Variants in CD44 observed in about 807,000 individuals in gnomAD.
The protein encoded by CD44 is CD44 molecule (IN blood group), also known as CD44 antigen.
In CD44, 49 loss-of-function variants were observed where a neutral mutation model predicts 88.8. The observed-to-expected ratio is 0.55, with a 90% CI of 0.44 to 0.70. CD44 has a LOEUF of 0.70. Ranked by LOEUF, CD44 falls within the 30% of genes least tolerant of loss-of-function variation. CD44 has a pLI of 0.00. For synonymous variants in CD44, 325 were observed against 312.3 expected (o/e 1.04, Z -0.43); for missense variants, 883 against 913.8 (o/e 0.97, Z 0.43).
Position 35,180,379 on chromosome 11 carries a change from G to T in CD44, c.339G>T (p.Gln113His). Residue 113 changes from glutamine to histidine, a missense_variant, in exon 3 of 18, where the codon CAG becomes CAT. Gln to His is a conservative substitution (Grantham distance 24). Around this residue, in one of 2 missense-constraint regions of CD44, gnomAD observed 252 missense variants for 322.9 expected, o/e 0.78. Transcript: ENST00000428726. ...GVYILTSNTS[Q>H]YDTYCFNASA... Reference sequence around the variant, plus strand: ...ACATCCTCACATCCAACACCTCCCAGTATGACACATATTGCTTCAATGCTT... The same window carrying T: ...ACATCCTCACATCCAACACCTCCCATTATGACACATATTGCTTCAATGCTT... The T allele has an allele frequency of 1.2e-6, 2 of 1,614,096 alleles. No homozygotes were observed. Among genetic ancestry groups the T allele is most frequent in the South Asian group, 2.2e-5 (2 of 91,072 alleles).
At chr11:35,222,440 C>T in intron 17 of CD44, 1 of 1,282,972 alleles carries the variant, frequency 7.8e-7, no homozygotes, top group Non-Finnish European at 1.0e-6. Context: ...GTTAGGAGGT[C>T]TATGAAGCAG....
chr11:35,210,108 A>G lies in CD44; in HGVS notation c.1606+54A>G, dbSNP rs765573757. On this transcript the variant is annotated intron_variant, in intron 13 of 17. Coordinates refer to ENST00000428726, the MANE Select transcript of CD44 (RefSeq NM_000610.4). The stretch of plus-strand genomic sequence containing the variant: ...AGCTATTGATAAGAATCAATCAATT[A>G]TGGGTACTTTTGCAGTGTCTTTGGT... 1.5e-5 allele frequency: 15 copies of G among 1,027,194 alleles called. 1 individual carries two copies. The highest frequency in any genetic ancestry group is 8.0e-5 in the Admixed American group (3 of 37,340). 63.6% of individuals were successfully genotyped at this position (1,027,194 alleles called of 1,614,324 possible).
At position 35,180,317 on chromosome 11, in the gene CD44, C is replaced by G; in HGVS notation, c.277C>G (p.Pro93Ala). The stretch of plus-strand genomic sequence containing the variant: ...GCACGTGGTGATTCCCCGGATCCAC[C>G]CCAACTCCATCTGTGCAGCAAACAA... ...EGHVVIPRIH[P>A]NSICAANNTG... The change falls in exon 3 of 18, where the codon CCC (proline) becomes GCC (alanine). Residue 93 changes from proline (P) to alanine (A), a missense_variant. Physicochemically the swap from Pro to Ala is conservative, Grantham distance 27 (BLOSUM62 -1). Coordinates refer to ENST00000428726, the MANE Select transcript of CD44 (RefSeq NM_000610.4). The G allele has an allele frequency of 6.2e-7, 1 of 1,614,050 alleles. No homozygotes were observed. The highest frequency in any genetic ancestry group is 8.5e-7 in the Non-Finnish European group (1 of 1,179,972).
At chr11:35,147,471 C>A (rs1859388598) in intron 1 of CD44, among the ~76,000 whole-genome samples, 1 of 152,146 alleles carries the variant, frequency 6.6e-6, no homozygotes, top group African/African-American at 2.4e-5. Context: ...AGAGTTTCCT[C>A]TGGGTACCCC....
chr11:35,195,430 G>A (rs1278503416), intron 5 of CD44, among the ~76,000 whole-genome samples: 1 of 151,794 alleles, frequency 6.6e-6, no homozygotes, highest in Non-Finnish European at 1.5e-5. Flanking sequence ...GGGGAGGGGG[G>A]ATACAGAGAT....
intron 11 of CD44, among the ~76,000 whole-genome samples, chr11:35,206,669 T>TGGGGGGGGTTGGAGGG (rs57972216): frequency 6.8e-6 from 1 of 146,084 alleles, no homozygotes. Context: ...TGGGGGTTGG[T>TGGGGGGGGTTGGAGGG]GGGGGGGGCA....
Position 35,201,237 on chromosome 11 carries a change from C to G in CD44, c.1036+42C>G, listed in dbSNP as rs772949914. ...ATTTAATGAAAGATTTTTTTCCCCT[C>G]AAAGCCCATGATGCTGCAAAGGTCA... On this transcript the variant is annotated intron_variant, in intron 8 of 17. Transcript: ENST00000428726. 2.1e-5 allele frequency: 28 copies of G among 1,360,270 alleles called. No homozygotes were observed. The East Asian group carries it at 6.2e-4, about 30-fold the overall frequency. The allele number at this position is 1,360,270 out of a possible 1,614,324, so 84.3% of individuals were successfully genotyped here. A position where few individuals can be genotyped will look rare whatever the true frequency, so the allele number is the denominator to read the frequency against.
chr11:35,152,560 G>A lies in CD44; in HGVS notation c.67+13190G>A, dbSNP rs765280890. Among the ~76,000 whole-genome samples the A allele has an allele frequency of 4.9e-4, 75 of 152,200 alleles. 1 individual carries two copies. Among genetic ancestry groups the A allele is most frequent in the Non-Finnish European group, 9.4e-4 (64 of 68,040 alleles). On this transcript the variant is annotated intron_variant, in intron 1 of 17. Transcript: ENST00000428726. ...GACCTCTCCACCTTTGCCTGCTGGT[G>A]TGAAAGTGTTTTGTGCTAGTAGGCA...
chr11:35,175,174 T>C (rs1944325653), intron 1 of CD44, among the ~76,000 whole-genome samples: 1 of 152,224 alleles, frequency 6.6e-6, no homozygotes, highest in Admixed American at 6.5e-5. Flanking sequence ...GAGCTCAGAA[T>C]GTCTGAGAGA....
chr11:35,206,982 T>C (rs958946986), intron 11 of CD44, among the ~76,000 whole-genome samples: 2 of 152,220 alleles, frequency 1.3e-5, no homozygotes, highest in African/African-American at 4.8e-5. Context: ...AATGAACATG[T>C]CAAGGACAAT....
At chr11:35,219,441 T>TGTCC in intron 16 of CD44, 54 bp downstream of exon 16, 6 of 1,332,008 alleles carry the variant, frequency 4.5e-6, no homozygotes, top group Non-Finnish European at 2.2e-6. Flanking sequence ...TTTCTCAGAA[T>TGTCC]GTCCCAGCAA....
chr11:35,139,465 C>G (rs1857455372), intron 1 of CD44, 95 bp downstream of exon 1: 2 of 1,126,718 alleles, frequency 1.8e-6, no homozygotes, highest in Admixed American at 3.9e-5. Flanking sequence ...CCCTGGGGGA[C>G]TGGAGTCAAG....
At chr11:35,191,561 G>A (rs533123542) in intron 5 of CD44, among the ~76,000 whole-genome samples, 2 of 152,198 alleles carry the variant, frequency 1.3e-5, no homozygotes, top group Admixed American at 1.3e-4. Context: ...CATGTCGAAG[G>A]TGCTTATCAT....
At chr11:35,174,008 AATAC>A (rs142049506) in intron 1 of CD44, among the ~76,000 whole-genome samples, 6,869 of 152,252 alleles carry the variant, frequency 0.045, 185 homozygotes, top group Non-Finnish European at 0.06. Flanking sequence ...ACCCATAAAT[AATAC>A]ATACATACAT....
At chr11:35,151,156 A>G (rs1343595456) in intron 1 of CD44, among the ~76,000 whole-genome samples, 1 of 152,154 alleles carries the variant, frequency 6.6e-6, no homozygotes, top group African/African-American at 2.4e-5. Context: ...AAGGCAAAAC[A>G]TGAGCCAGGT....
At chr11:35,162,843 G>C (rs756482837) in intron 1 of CD44, among the ~76,000 whole-genome samples, 1 of 152,056 alleles carries the variant, frequency 6.6e-6, no homozygotes, top group African/African-American at 2.4e-5. Flanking sequence ...AGGAGACCCT[G>C]CTTCTTATGT....
chr11:35,146,152 G>A (rs1859113241), intron 1 of CD44, among the ~76,000 whole-genome samples: 1 of 152,188 alleles, frequency 6.6e-6, no homozygotes, highest in Non-Finnish European at 1.5e-5. Context: ...CCTGAGGTAA[G>A]TGTCCCTGCG....
At chr11:35,188,814 T>G (rs570234640) in intron 4 of CD44, among the ~76,000 whole-genome samples, 25 of 152,052 alleles carry the variant, frequency 1.6e-4, no homozygotes, top group Non-Finnish European at 3.1e-4. Flanking sequence ...GGCATGCACC[T>G]GTAGTCCCAG....
chr11:35,206,214 G>T lies in CD44; in HGVS notation c.1385G>T (p.Gly462Val), dbSNP rs1209750621. 16 of 1,610,592 alleles carry T rather than the reference G, an allele frequency of 9.9e-6. No homozygotes were observed. Among genetic ancestry groups the T allele is most frequent in the Non-Finnish European group, 1.3e-5 (15 of 1,178,454 alleles). ...DFFNPISHPM[G>V]RGHQAGRRMD... The stretch of plus-strand genomic sequence containing the variant: ...TTCAACCCAATCTCACACCCCATGG[G>T]ACGAGGTCATCAAGCAGGAAGAAGG... Residue 462 changes from glycine to valine, a missense_variant, in exon 11 of 18, where the codon GGA becomes GTA. Around this residue, in one of 2 missense-constraint regions of CD44, gnomAD observed 631 missense variants for 590.9 expected, o/e 1.07. Coordinates refer to ENST00000428726, the MANE Select transcript of CD44 (RefSeq NM_000610.4).
Sources: allele counts gnomAD v4.1 joint callset (sites outside exome capture counted in the v4.1 genomes callset), GRCh38; gene constraint gnomAD v4.1.1; regional missense constraint gnomAD v4.1.1; transcripts MANE v1.5; gene names NCBI Gene and HGNC (gene_info 2026-07-23, HGNC 2026-07-21).